The following SEMA5A variants were observed in gnomAD, a reference collection of about 807,000 sequenced individuals.
The protein encoded by SEMA5A is semaphorin 5A, also known as semaphorin-5A.
In SEMA5A, 55 loss-of-function variants were observed where a neutral mutation model predicts 135.5. The observed-to-expected ratio is 0.41, with a 90% CI of 0.33 to 0.51. The LOEUF (loss-of-function observed/expected upper bound fraction) is 0.51, where lower values mean the gene tolerates loss of function less well. Among genes scored for constraint, SEMA5A ranks in the 20% least tolerant of loss-of-function variants. The probability of loss-of-function intolerance (pLI) is 0.37; values close to 1 mark genes in which losing one functional copy is unlikely to be tolerated. For synonymous variants in SEMA5A, 580 were observed against 546.5 expected (o/e 1.06, Z -0.85); for missense variants, 1,290 against 1,419.9 (o/e 0.91, Z 1.47).
At chr5:9,229,075 G>A (rs759966321) in intron 6 of SEMA5A, among the ~76,000 whole-genome samples, 3 of 152,182 alleles carry the variant, frequency 2.0e-5, no homozygotes, top group Non-Finnish European at 4.4e-5. Context: ...ACAGGTGCGA[G>A]CACCACTCCT....
intron 1 of SEMA5A, among the ~76,000 whole-genome samples, chr5:9,499,895 T>C (rs993608166): frequency 6.7e-6 from 1 of 150,208 alleles, no homozygotes; most frequent in African/African-American, 2.5e-5. Flanking sequence ...GAAACCGAAA[T>C]AAGAAGGCTT....
chr5:9,319,452 G>GA (rs1158675869), intron 4 of SEMA5A, among the ~76,000 whole-genome samples: 10 of 152,204 alleles, frequency 6.6e-5, no homozygotes, highest in Admixed American at 1.3e-4. Flanking sequence ...AGAGGACACA[G>GA]AAAAAAGATA....
chr5:9,503,722 G>C (rs1362177082), intron 1 of SEMA5A, among the ~76,000 whole-genome samples: 3 of 152,176 alleles, frequency 2.0e-5, no homozygotes, highest in African/African-American at 7.2e-5. Context: ...TAAGGATAGA[G>C]GAGTTCATTG....
intron 4 of SEMA5A, among the ~76,000 whole-genome samples, chr5:9,321,052 C>T (rs1047053130): frequency 6.6e-5 from 10 of 151,988 alleles, no homozygotes; most frequent in South Asian, 4.1e-4. Context: ...ATCATGGGGG[C>T]GGGTTACTTC....
chr5:9,213,665 C>T (rs762015558), intron 8 of SEMA5A, among the ~76,000 whole-genome samples: 1 of 152,170 alleles, frequency 6.6e-6, no homozygotes, highest in African/African-American at 2.4e-5. Flanking sequence ...CAGTCACACT[C>T]ATGCATCCAT....
At chr5:9,106,813 A>G (rs1178863434) in intron 16 of SEMA5A, among the ~76,000 whole-genome samples, 1 of 152,240 alleles carries the variant, frequency 6.6e-6, no homozygotes, top group African/African-American at 2.4e-5. Flanking sequence ...TTCATGGTCT[A>G]CAGTTAGTTC....
chr5:9,122,784 A>G lies in SEMA5A; in HGVS notation c.1653T>C (p.Pro551=), dbSNP rs751145410. Residue 551 remains proline, a synonymous_variant, in exon 14 of 23, where the codon CCT becomes CCC. Transcript: ENST00000382496. ...GHFGVWSPWT[P]CTHTDGSAVG... ...CGGCGCTGCCATCTGTGTGCGTGCA[A>G]GGCGTCCACGGAGACCACACACCAA... The G allele has an allele frequency of 4.3e-6, 7 of 1,612,876 alleles. No homozygotes were observed. The South Asian group carries it at 7.7e-5, about 18-fold the overall frequency.
chr5:9,271,062 G>A (rs1358211941), intron 5 of SEMA5A, among the ~76,000 whole-genome samples: 4 of 152,130 alleles, frequency 2.6e-5, no homozygotes, highest in African/African-American at 9.7e-5. Context: ...ACATATCGGG[G>A]AGGGGCCTGG....
intron 15 of SEMA5A, among the ~76,000 whole-genome samples, chr5:9,113,247 A>G (rs962622524): frequency 2.6e-5 from 4 of 152,236 alleles, no homozygotes; most frequent in African/African-American, 9.6e-5. Flanking sequence ...ATGGGAGTGC[A>G]GTGCTACTGT....
Position 9,099,030 on chromosome 5 carries a change from T to C in SEMA5A, c.2073+9110A>G, listed in dbSNP as rs530870724. ...GTCTTCCAACATTATAAATAAAACA[T>C]TTTTGTGAAATATTCCAGATCTCCA... is the stretch of plus-strand genomic sequence containing the variant. On this transcript the variant is annotated intron_variant, in intron 16 of 22. Coordinates refer to ENST00000382496, the MANE Select transcript of SEMA5A (RefSeq NM_003966.3). Among the ~76,000 whole-genome samples the C allele has an allele frequency of 9.2e-5, 14 of 152,322 alleles. No individual in the cohort carries two copies. The South Asian group carries it at 2.5e-3, about 27-fold the overall frequency.
intron 1 of SEMA5A, among the ~76,000 whole-genome samples, chr5:9,442,788 C>A (rs1205977562): frequency 2.0e-5 from 3 of 152,094 alleles, no homozygotes; most frequent in East Asian, 1.9e-4. Context: ...CATCACAGTC[C>A]ATTTTTGCAA....
chr5:9,429,588 T>C (rs1249072173), intron 2 of SEMA5A, among the ~76,000 whole-genome samples: 1 of 152,210 alleles, frequency 6.6e-6, no homozygotes, highest in Non-Finnish European at 1.5e-5. Context: ...GCAGGGAGAC[T>C]TTCCATTTTA....
intron 1 of SEMA5A, among the ~76,000 whole-genome samples, chr5:9,445,920 G>A (rs1758416886): frequency 6.6e-6 from 1 of 152,206 alleles, no homozygotes; most frequent in African/African-American, 2.4e-5. Flanking sequence ...CAAAGAGTAA[G>A]ATGGCATGAA....
At chr5:9,193,328 AT>A (rs1339649363) in intron 10 of SEMA5A, among the ~76,000 whole-genome samples, 1 of 152,220 alleles carries the variant, frequency 6.6e-6, no homozygotes, top group Non-Finnish European at 1.5e-5. Context: ...AACAATAAAA[AT>A]AGTAAAAGCA....
intron 8 of SEMA5A, among the ~76,000 whole-genome samples, chr5:9,206,123 T>C (rs902833822): frequency 2.0e-5 from 3 of 152,168 alleles, no homozygotes; most frequent in African/African-American, 7.2e-5. Flanking sequence ...CCTGAGTGAA[T>C]TGAACAAGTC....
rs142370239 is a variant in SEMA5A at position 9,338,953 on chromosome 5, C to T, written c.125-1141G>A. On this transcript the variant is annotated intron_variant, in intron 3 of 22. Transcript: ENST00000382496. ...CATGTCTTTTCTCTACTAACAGTTACGAGGGGGAAGTGATATCAAGTAAAA... is the reference window on the plus strand; with the variant it reads ...CATGTCTTTTCTCTACTAACAGTTATGAGGGGGAAGTGATATCAAGTAAAA... Among the ~76,000 whole-genome samples the T allele has an allele frequency of 3.9e-5, 6 of 151,986 alleles. No homozygotes were observed. The East Asian group carries it at 7.7e-4, about 20-fold the overall frequency.
rs1301186381 is a variant in SEMA5A at position 9,037,117 on chromosome 5, T to C, written c.*5780A>G. 1.3e-5 allele frequency: 2 copies of C among 151,592 alleles called. No individual in the cohort carries two copies. The highest frequency in any genetic ancestry group is 4.9e-5 in the African/African-American group (2 of 41,230). 9.4% of individuals were successfully genotyped at this position (151,592 alleles called of 1,614,324 possible). A position where few individuals can be genotyped will look rare whatever the true frequency, so the allele number is the denominator to read the frequency against. ...TATGAAGGGGTGGAATAAATTTTCT[T>C]GCTTGATTGACAGTTTAAGAAACAC... On this transcript the variant is annotated 3_prime_UTR_variant, in exon 23 of 23. Transcript: ENST00000382496.
rs776695095 is a variant in SEMA5A at position 9,044,410 on chromosome 5, T to A, written c.3068A>T (p.Asn1023Ile). The A allele has an allele frequency of 2.5e-6, 4 of 1,613,558 alleles. No individual in the cohort carries two copies. The Admixed American group carries it at 6.7e-5, about 27-fold the overall frequency. The change falls in exon 22 of 23, where the codon AAC becomes ATC. Residue 1023 changes from asparagine to isoleucine, a missense_variant. By Grantham distance (149) the Asn-to-Ile change is moderately radical (BLOSUM62 -3). Transcript: ENST00000382496. Reference sequence around the variant, plus strand: ...CACCGAGTCGTACTTGTCCAGTTTGTTGATGTGGTTGGTTATGCTGGTATT... The same window carrying A: ...CACCGAGTCGTACTTGTCCAGTTTGATGATGTGGTTGGTTATGCTGGTATT... ...PLNTSITNHI[N>I]KLDKYDSVEA...
chr5:9,048,333 G>A (rs566912129), intron 21 of SEMA5A, among the ~76,000 whole-genome samples: 2 of 152,276 alleles, frequency 1.3e-5, no homozygotes, highest in South Asian at 4.1e-4. Flanking sequence ...ATCCCTCTAA[G>A]TCTCATGGTC....
Sources: allele counts gnomAD v4.1 joint callset (sites outside exome capture counted in the v4.1 genomes callset), GRCh38; gene constraint gnomAD v4.1.1; transcripts MANE v1.5; gene names NCBI Gene and HGNC (gene_info 2026-07-23, HGNC 2026-07-21).